Variants in NRXN1 observed in about 807,000 individuals in gnomAD.
NRXN1 encodes neurexin-1.
Under a neutral mutation model 150.9 loss-of-function variants are expected in NRXN1, and 39 were observed. The ratio of observed to expected loss-of-function variants is 0.26; its 90% CI spans 0.20 to 0.34. The LOEUF is 0.34. Among genes scored for constraint, NRXN1 ranks in the 10% least tolerant of loss-of-function variants. The probability of loss-of-function intolerance (pLI) is 1.00; values close to 1 mark genes in which losing one functional copy is unlikely to be tolerated. For missense variants in NRXN1, 1,815 were observed against 1,949.9 expected (o/e 0.93, Z 1.30); for synonymous variants, 924 against 757.0 (o/e 1.22, Z -3.62).
chr2:50,458,838 C>T (rs1283246810), intron 17 of NRXN1, among the ~76,000 whole-genome samples: 1 of 151,974 alleles, frequency 6.6e-6, no homozygotes, highest in Admixed American at 6.6e-5. Context: ...CCTCAGCTTC[C>T]CAAAGTGCTG....
intron 18 of NRXN1, among the ~76,000 whole-genome samples, chr2:50,212,769 C>A (rs2063127276): frequency 6.6e-6 from 1 of 151,814 alleles, no homozygotes; most frequent in Non-Finnish European, 1.5e-5. Flanking sequence ...TCACACACAG[C>A]CCCTTTAACC....
At chr2:50,277,112 ACT>A (rs1390430123) in intron 17 of NRXN1, among the ~76,000 whole-genome samples, 8 of 151,964 alleles carry the variant, frequency 5.3e-5, no homozygotes, top group Non-Finnish European at 8.8e-5. Context: ...AAATATTATA[ACT>A]CTCTCTGTAT....
At chr2:50,722,126 T>C (rs1458662838) in intron 5 of NRXN1, among the ~76,000 whole-genome samples, 1 of 152,162 alleles carries the variant, frequency 6.6e-6, no homozygotes, top group African/African-American at 2.4e-5. Flanking sequence ...ATCAATCTTT[T>C]GCCCAATCTT....
At position 50,347,818 on chromosome 2, in the gene NRXN1, C is replaced by G. The variant is rs2078151521; in HGVS notation, c.3365-110848G>C. On this transcript the variant is annotated intron_variant, in intron 17 of 22. Coordinates refer to ENST00000401669, the MANE Select transcript of NRXN1 (RefSeq NM_001330078.2). This position sits in a 1 kb window ranked among gnomAD's most constrained non-coding sequence, Gnocchi z 4.9. ...TCTATGCAAATCTGCAGTCTCCAAA[C>G]AGCAAATCACTGAAGCTCGGATGCA... The G allele has an allele frequency of 1.0e-6, 1 of 985,502 alleles. No individual in the cohort carries two copies. Among genetic ancestry groups the G allele is most frequent in the African/African-American group, 1.7e-5 (1 of 57,244 alleles). 61.0% of individuals were successfully genotyped at this position (985,502 alleles called of 1,614,324 possible). A position where few individuals can be genotyped will look rare whatever the true frequency, so the allele number is the denominator to read the frequency against.
chr2:50,094,756 A>G (rs1700001668), intron 18 of NRXN1, among the ~76,000 whole-genome samples: 1 of 139,012 alleles, frequency 7.2e-6, no homozygotes, highest in Admixed American at 8.0e-5. Flanking sequence ...AAGAAAACTG[A>G]GAAAAGAAAA....
At chr2:50,211,459 A>G (rs762667998) in intron 18 of NRXN1, among the ~76,000 whole-genome samples, 3 of 151,630 alleles carry the variant, frequency 2.0e-5, no homozygotes, top group African/African-American at 2.4e-5. Context: ...CTATATCAAC[A>G]GACTATTAAT....
At chr2:50,373,294 T>TTTATTATTATTA (rs6146761) in intron 17 of NRXN1, among the ~76,000 whole-genome samples, 110 of 140,392 alleles carry the variant, frequency 7.8e-4, no homozygotes, top group Middle Eastern at 3.6e-3. Flanking sequence ...TATTTTATTT[T>TTTATTATTATTA]TTATTATTAT....
chr2:50,698,049 A>T (rs891824998), intron 5 of NRXN1, among the ~76,000 whole-genome samples: 1 of 152,190 alleles, frequency 6.6e-6, no homozygotes, highest in African/African-American at 2.4e-5. Flanking sequence ...AACACCTATC[A>T]TTATCTGAAA....
At chr2:50,658,411 G>GGTGTGTGT (rs58970263) in intron 5 of NRXN1, among the ~76,000 whole-genome samples, 7,831 of 144,706 alleles carry the variant, frequency 0.054, 259 homozygotes, top group Admixed American at 0.063. Flanking sequence ...TGCATTCACT[G>GGTGTGTGT]GTGTGTGTGT....
intron 2 of NRXN1, chr2:51,026,468 T>C (rs1421745136): frequency 1.3e-6 from 2 of 1,592,216 alleles, no homozygotes; most frequent in Non-Finnish European, 1.7e-6. Flanking sequence ...CGAATTTTAT[T>C]TCTAAAGAGG....
At chr2:50,993,848 T>G (rs189411716) in intron 2 of NRXN1, among the ~76,000 whole-genome samples, 107 of 152,074 alleles carry the variant, frequency 7.0e-4, no homozygotes, top group African/African-American at 1.8e-3. Flanking sequence ...AGAGGAAAGG[T>G]TGATGATTAT....
At chr2:50,019,098 A>G (rs758164417) in intron 21 of NRXN1, 33 of 308,982 alleles carry the variant, frequency 1.1e-4, no homozygotes, top group Non-Finnish European at 1.8e-4. Flanking sequence ...AATCCTTCCA[A>G]AACATTACCT....
intron 2 of NRXN1, among the ~76,000 whole-genome samples, chr2:50,993,229 T>C (rs1474928042): frequency 6.6e-6 from 1 of 151,962 alleles, no homozygotes; most frequent in East Asian, 1.9e-4. Flanking sequence ...GAAGATATCA[T>C]TAATAGACGA....
At chr2:50,039,711 T>C (rs1357861187) in intron 21 of NRXN1, among the ~76,000 whole-genome samples, 4 of 152,212 alleles carry the variant, frequency 2.6e-5, no homozygotes, top group Admixed American at 6.5e-5. Context: ...TAAGGTTTGA[T>C]AGAATTAAAA....
intron 21 of NRXN1, among the ~76,000 whole-genome samples, chr2:50,007,556 T>A (rs1356149297): frequency 1.3e-5 from 2 of 152,164 alleles, no homozygotes; most frequent in African/African-American, 4.8e-5. Flanking sequence ...GCAAAGAACA[T>A]GAACTCATCC....
At chr2:50,294,819 T>A (rs973712183) in intron 17 of NRXN1, among the ~76,000 whole-genome samples, 2 of 152,190 alleles carry the variant, frequency 1.3e-5, no homozygotes, top group African/African-American at 4.8e-5. Context: ...CTGTTTTATT[T>A]CCAGAGTTAC....
intron 18 of NRXN1, among the ~76,000 whole-genome samples, chr2:50,103,330 A>C (rs978756730): frequency 5.9e-5 from 9 of 152,076 alleles, no homozygotes; most frequent in African/African-American, 2.2e-4. Flanking sequence ...AGAGTTATCC[A>C]TAAAATTTCT....
At chr2:50,527,440 T>G (rs2092984684) in intron 12 of NRXN1, among the ~76,000 whole-genome samples, 1 of 152,174 alleles carries the variant, frequency 6.6e-6, no homozygotes, top group African/African-American at 2.4e-5. Context: ...TCAGGAACTA[T>G]TTTGTTCGAG....
At chr2:50,521,033 A>G (rs1304383054) in intron 12 of NRXN1, among the ~76,000 whole-genome samples, 4 of 152,118 alleles carry the variant, frequency 2.6e-5, no homozygotes, top group Non-Finnish European at 5.9e-5. Context: ...AATGTAAAAC[A>G]TTTTAGAATT....
Sources: gnomAD v4.1 joint callset for allele counts (sites outside exome capture counted in the v4.1 genomes callset) on GRCh38, gnomAD v4.1.1 for gene constraint, Gnocchi (gnomAD v3.1) non-coding constraint, MANE v1.5 for transcripts, NCBI Gene and HGNC (gene_info 2026-07-23, HGNC 2026-07-21) for gene names.